The following SEMA3E variants were observed in gnomAD, a reference collection of about 807,000 sequenced individuals.
The protein encoded by SEMA3E is semaphorin 3E, also known as semaphorin-3E.
In SEMA3E, 49 loss-of-function variants were observed where a neutral mutation model predicts 93.6. That is an observed-to-expected ratio of 0.52 (90% confidence interval 0.42 to 0.66). The LOEUF is 0.66. Ranked by LOEUF, SEMA3E falls within the 30% of genes least tolerant of loss-of-function variation. SEMA3E has a pLI of 0.00. For missense variants in SEMA3E, 906 were observed against 964.8 expected, an observed-to-expected ratio of 0.94 and a Z score of 0.81; for synonymous variants, 363 against 330.7, an observed-to-expected ratio of 1.10 and a Z score of -1.06.
intron 1 of SEMA3E, among the ~76,000 whole-genome samples, chr7:83,645,151 T>C (rs1034914907): frequency 5.3e-5 from 8 of 152,020 alleles, no homozygotes; most frequent in African/African-American, 1.9e-4. Flanking sequence ...TGGTGAAAGA[T>C]AAGGAGAGAA....
intron 4 of SEMA3E, among the ~76,000 whole-genome samples, chr7:83,431,153 TA>T (rs773767798): frequency 2.8e-4 from 43 of 151,288 alleles, no homozygotes; most frequent in Non-Finnish European, 4.3e-4. Flanking sequence ...TATAGTAGGA[TA>T]TTTTTTTCTT....
At chr7:83,390,758 C>T (rs1331436080) in intron 14 of SEMA3E, among the ~76,000 whole-genome samples, 3 of 152,168 alleles carry the variant, frequency 2.0e-5, no homozygotes, top group Non-Finnish European at 2.9e-5. Context: ...AATTCATTTA[C>T]GAGCACGGCT....
intron 1 of SEMA3E, among the ~76,000 whole-genome samples, chr7:83,548,302 C>T (rs1254381726): frequency 6.6e-6 from 1 of 152,110 alleles, no homozygotes; most frequent in African/African-American, 2.4e-5. Flanking sequence ...AGCTCTACTT[C>T]AAGTTTTTCA....
At chr7:83,523,817 C>CT (rs1173965711) in intron 1 of SEMA3E, among the ~76,000 whole-genome samples, 3 of 151,806 alleles carry the variant, frequency 2.0e-5, no homozygotes, top group Admixed American at 2.0e-4. Flanking sequence ...ACGTATTTTT[C>CT]TTTTTTAAGA....
At position 83,367,849 on chromosome 7, in the gene SEMA3E, C is replaced by T. The variant is rs201441234; in HGVS notation, c.2065G>A (p.Asp689Asn). Residue 689 changes from aspartate (D) to asparagine (N), a missense_variant, in exon 17 of 17, where the codon GAC becomes AAC. Transcript: ENST00000643230. The stretch of plus-strand genomic sequence containing the variant: ...GGACAAGGCATCCTGTGATGCCTGT[C>T]CTCCTCATCGTCCTTGTTAAACATA... ...EDMFNKDDEEDRHHRMPCPAQ... is the reference protein window; with the variant it reads ...EDMFNKDDEENRHHRMPCPAQ... The T allele has an allele frequency of 6.2e-7, 1 of 1,613,432 alleles. No individual in the cohort carries two copies. The highest frequency in any genetic ancestry group is 8.5e-7 in the Non-Finnish European group (1 of 1,179,524).
intron 4 of SEMA3E, among the ~76,000 whole-genome samples, chr7:83,452,000 G>A (rs1789370022): frequency 6.6e-6 from 1 of 152,170 alleles, no homozygotes; most frequent in Non-Finnish European, 1.5e-5. Context: ...CTGGTTTGCT[G>A]TAGCCTCAGG....
intron 1 of SEMA3E, among the ~76,000 whole-genome samples, chr7:83,629,463 C>T (rs1432001589): frequency 1.3e-5 from 2 of 152,188 alleles, no homozygotes; most frequent in Admixed American, 1.3e-4. Flanking sequence ...CCTGGGGCTG[C>T]TGCCTTTCTT....
chr7:83,556,288 G>A (rs371213925), intron 1 of SEMA3E, among the ~76,000 whole-genome samples: 3 of 152,024 alleles, frequency 2.0e-5, no homozygotes, highest in Non-Finnish European at 4.4e-5. Context: ...GGTTGCCAAC[G>A]ACTTTGCATA....
intron 2 of SEMA3E, among the ~76,000 whole-genome samples, chr7:83,476,443 G>A (rs780405957): frequency 9.8e-5 from 15 of 152,316 alleles, no homozygotes; most frequent in Admixed American, 3.3e-4. Flanking sequence ...AGACAGAAAA[G>A]TATGAACACT....
Position 83,366,084 on chromosome 7 carries a change from T to G in SEMA3E, c.*1502A>C, listed in dbSNP as rs1411568248. 1 of 152,154 alleles carries G rather than the reference T, an allele frequency of 6.6e-6. No individual in the cohort carries two copies. Among genetic ancestry groups the G allele is most frequent in the East Asian group, 1.9e-4 (1 of 5,196 alleles). 9.4% of individuals were successfully genotyped at this position (152,154 alleles called of 1,614,324 possible). Reference sequence around the variant, plus strand: ...AATTTTTCTTAAAATATTTATGTATTTGTTCATTTTACAATGAAATTGCAA... The same window carrying G: ...AATTTTTCTTAAAATATTTATGTATGTGTTCATTTTACAATGAAATTGCAA... On this transcript the variant is annotated 3_prime_UTR_variant, in exon 17 of 17. Transcript: ENST00000643230.
rs762628571 is a variant in SEMA3E, at chr7:83,367,700, C to A, written c.2214G>T (p.Lys738Asn). Reference sequence around the variant, plus strand: ...AGGGTGACATTTTAAGCTTTTTCCTCTTTCTATCTGTGCACCATACTTTCT... The same window carrying A: ...AGGGTGACATTTTAAGCTTTTTCCTATTTCTATCTGTGCACCATACTTTCT... ...YCEKVWCTDR[K>N]RKKLKMSPSK... Residue 738 changes from lysine to asparagine, a missense_variant, in exon 17 of 17, where the codon AAG (lysine) becomes AAT (asparagine). Transcript: ENST00000643230. 1.2e-6 allele frequency: 2 copies of A among 1,614,076 alleles called. No individual in the cohort carries two copies. Among genetic ancestry groups the A allele is most frequent in the Non-Finnish European group, 1.7e-6 (2 of 1,180,002 alleles).
chr7:83,544,967 C>T (rs1429119411), intron 1 of SEMA3E, among the ~76,000 whole-genome samples: 1 of 151,900 alleles, frequency 6.6e-6, no homozygotes, highest in African/African-American at 2.4e-5. Flanking sequence ...AATTAAACTA[C>T]TAGATGAAAG....
In SEMA3E at chr7:83,367,540, T is replaced by G. The variant is rs4473980; in HGVS notation, c.*46A>C. 0.011 allele frequency: 18,092 copies of G among 1,591,280 alleles called. 1,716 individuals are homozygous for G. In the African/African-American group the frequency reaches 0.21, roughly 19 times the overall value. ...ATGATTTATTTTTTTACTTTTTTAC[T>G]TTCCAAATATAAATTCTTCAAAAGA... On this transcript the variant is annotated 3_prime_UTR_variant, in exon 17 of 17. Transcript: ENST00000643230.
chr7:83,593,282 CTCTGTGTGTGTGTGTGTGTGTG>C (rs1168463461), intron 1 of SEMA3E, among the ~76,000 whole-genome samples: 3 of 107,438 alleles, frequency 2.8e-5, no homozygotes, highest in African/African-American at 9.1e-5. Context: ...CTCTCTCTCT[CTCTGTGTGTGTGTGTGTGTGTG>C]TGTGTGTGTG....
chr7:83,560,906 G>T (rs564534475), intron 1 of SEMA3E, among the ~76,000 whole-genome samples: 1 of 151,714 alleles, frequency 6.6e-6, no homozygotes, highest in Non-Finnish European at 1.5e-5. Context: ...CATATGGATT[G>T]GGGTAAACTT....
Position 83,563,227 on chromosome 7 carries a change from A to G in SEMA3E, c.116-72953T>C, listed in dbSNP as rs539139331. On this transcript the variant is annotated intron_variant, in intron 1 of 16. Transcript: ENST00000643230. ...CAAACTCTCTGGCCTCATGCAGCTT[A>G]TGGTGTCATGATTATCACCTGTAAT... 1.4e-4 allele frequency among the ~76,000 whole-genome samples: 22 copies of G among 152,304 alleles called. No individual in the cohort carries two copies. In the South Asian group the frequency reaches 4.6e-3, roughly 32 times the overall value.
At chr7:83,488,113 G>A (rs1430179381) in intron 2 of SEMA3E, among the ~76,000 whole-genome samples, 1 of 151,964 alleles carries the variant, frequency 6.6e-6, no homozygotes, top group Non-Finnish European at 1.5e-5. Context: ...CCTAGAGAGT[G>A]AGAAGAGGGG....
intron 1 of SEMA3E, among the ~76,000 whole-genome samples, chr7:83,589,884 G>A (rs1317040126): frequency 1.3e-5 from 2 of 151,878 alleles, no homozygotes; most frequent in African/African-American, 4.8e-5. Context: ...ATGCATGCTT[G>A]GTCTAAAAAC....
chr7:83,447,780 A>C (rs1269630808), intron 4 of SEMA3E, among the ~76,000 whole-genome samples: 3 of 152,250 alleles, frequency 2.0e-5, no homozygotes, highest in African/African-American at 7.2e-5. Context: ...CAGTGGCCAA[A>C]GTGGTAAGTG....
Sources: gnomAD v4.1 joint callset for allele counts (sites outside exome capture counted in the v4.1 genomes callset) on GRCh38, gnomAD v4.1.1 for gene constraint, MANE v1.5 for transcripts, NCBI Gene and HGNC (gene_info 2026-07-23, HGNC 2026-07-21) for gene names.